DNASE1: variants seen among roughly 807,000 people sequenced by gnomAD.
DNASE1 encodes the protein deoxyribonuclease 1.
In DNASE1, 40 loss-of-function variants were observed where a neutral mutation model predicts 33.9. That is an observed-to-expected ratio of 1.18 (90% CI 0.92 to 1.54). DNASE1 has a LOEUF of 1.54. Among genes scored for constraint, DNASE1 ranks in the 40% most tolerant of loss-of-function variants. The pLI is 0.00. For missense variants in DNASE1, 518 were observed against 372.6 expected (o/e 1.39, Z -3.21); for synonymous variants, 216 against 160.0 (o/e 1.35, Z -2.64).
intron 1 of DNASE1, among the ~76,000 whole-genome samples, chr16:3,649,648 C>T (rs1431526997): frequency 2.6e-5 from 4 of 152,202 alleles, no homozygotes; most frequent in African/African-American, 9.7e-5. Flanking sequence ...CAGTTGAGAG[C>T]ACTCTTGATT....
chr16:3,633,559 G>A (rs1013643572), intron 1 of DNASE1, among the ~76,000 whole-genome samples: 21 of 150,954 alleles, frequency 1.4e-4, no homozygotes, highest in Non-Finnish European at 2.5e-4. Context: ...AGTGAGCCGA[G>A]ATGGCGCCAT....
intron 1 of DNASE1, among the ~76,000 whole-genome samples, chr16:3,621,781 A>G (rs1032639717): frequency 6.6e-6 from 1 of 152,262 alleles, no homozygotes; most frequent in Non-Finnish European, 1.5e-5. Flanking sequence ...TACAATGGCT[A>G]ATGGTGCATT....
intron 7 of DNASE1, 135 bp from the exon 8 acceptor site, chr16:3,657,585 G>A (rs1207013746): frequency 1.5e-6 from 2 of 1,300,262 alleles, no homozygotes; most frequent in Non-Finnish European, 2.2e-6. Flanking sequence ...GAGGGGCACA[G>A]ACCAGGGTGT....
exon 10 of DNASE1, chr16:3,663,762 A>C: frequency 1.6e-6 from 1 of 620,942 alleles, no homozygotes; most frequent in East Asian, 2.8e-5. Context: ...TCAAGGCAGA[A>C]GCACTCCACG....
downstream of DNASE1, chr16:3,659,522 G>A (rs17183750): frequency 0.13 from 19,385 of 152,160 alleles, 1,604 homozygotes; most frequent in East Asian, 0.18. Flanking sequence ...TTTGACGTCA[G>A]AACAATATTT....
intron 1 of DNASE1, among the ~76,000 whole-genome samples, chr16:3,636,496 TG>T (rs1896513747): frequency 6.6e-6 from 1 of 152,208 alleles, no homozygotes; most frequent in Non-Finnish European, 1.5e-5. Flanking sequence ...GTAATTTTTT[TG>T]TTGAAAACCG....
At chr16:3,636,094 C>G (rs1430811801) in intron 1 of DNASE1, among the ~76,000 whole-genome samples, 3 of 152,102 alleles carry the variant, frequency 2.0e-5, no homozygotes, top group African/African-American at 7.2e-5. Flanking sequence ...AATTGTCCCA[C>G]AGTTCTTGGA....
At chr16:3,655,197 C>G (rs1461741476) in intron 1 of DNASE1, among the ~76,000 whole-genome samples, 153 bp downstream of exon 1, 1 of 152,160 alleles carries the variant, frequency 6.6e-6, no homozygotes, top group Admixed American at 6.5e-5. Flanking sequence ...TCGGGGTCCT[C>G]TACGTGGTGC....
chr16:3,621,627 T>G (rs973248450), intron 1 of DNASE1, among the ~76,000 whole-genome samples: 7 of 152,226 alleles, frequency 4.6e-5, no homozygotes, highest in Non-Finnish European at 8.8e-5. Context: ...TTTTTGCAAC[T>G]TAATGAACTG....
intron 7 of DNASE1, 108 bp from the exon 8 acceptor site, chr16:3,657,612 A>ACAGACCTG (rs1363725510): frequency 2.0e-6 from 3 of 1,483,110 alleles, no homozygotes; most frequent in Non-Finnish European, 1.8e-6. Flanking sequence ...TTGGGCACCC[A>ACAGACCTG]CAGACCTGCA....
intron 1 of DNASE1, among the ~76,000 whole-genome samples, chr16:3,621,882 T>C (rs2041327104): frequency 1.3e-5 from 2 of 152,182 alleles, no homozygotes. Context: ...TCAAAGGATA[T>C]GGGTAAATCA....
intron 1 of DNASE1, among the ~76,000 whole-genome samples, chr16:3,637,588 C>G (rs2041907061): frequency 6.6e-6 from 1 of 152,176 alleles, no homozygotes; most frequent in South Asian, 2.1e-4. Flanking sequence ...TTCCCTTAGG[C>G]TGATGAGGAT....
chr16:3,660,432 T>A (rs983951837), downstream of DNASE1: 4 of 152,234 alleles, frequency 2.6e-5, no homozygotes, highest in African/African-American at 9.7e-5. Context: ...ATGGCGCCAC[T>A]GGTACACTCC....
chr16:3,664,056 C>T (rs895545265), exon 10 of DNASE1: 2 of 519,894 alleles, frequency 3.8e-6, no homozygotes, highest in Admixed American at 3.8e-5. Context: ...GAGCAAGACT[C>T]CATCTCAAAA....
At chr16:3,619,785 A>G (rs1295676249) in intron 1 of DNASE1, among the ~76,000 whole-genome samples, 2 of 152,202 alleles carry the variant, frequency 1.3e-5, no homozygotes, top group East Asian at 1.9e-4. Flanking sequence ...TGCTGGGATT[A>G]TAGGTGTGAG....
chr16:3,616,584 G>A (rs1430337630), intron 1 of DNASE1, among the ~76,000 whole-genome samples: 3 of 152,158 alleles, frequency 2.0e-5, no homozygotes. Flanking sequence ...TCACAACACT[G>A]CACTCCAGCC....
Position 3,656,980 on chromosome 16 carries a change from G to A in DNASE1, c.437-19G>A, listed in dbSNP as rs370269299. The A allele has an allele frequency of 5.0e-5, 80 of 1,611,624 alleles. No individual in the cohort carries two copies. Among genetic ancestry groups the A allele is most frequent in the African/African-American group, 6.7e-5 (5 of 74,904 alleles). On this transcript the variant is annotated intron_variant, in intron 5 of 8. Transcript: ENST00000246949. ...TGCCCCCAGGGAGTGTGCCTCACAC[G>A]ACGTGGCTGTCTCCACAGAGGTCAG...
At chr16:3,620,877 T>C (rs2041285432) in intron 1 of DNASE1, among the ~76,000 whole-genome samples, 1 of 152,104 alleles carries the variant, frequency 6.6e-6, no homozygotes, top group African/African-American at 2.4e-5. Flanking sequence ...GCCGGCTCAC[T>C]GCAACCTCCG....
At chr16:3,615,508 C>A (rs1250616177) in intron 1 of DNASE1, among the ~76,000 whole-genome samples, 1 of 152,126 alleles carries the variant, frequency 6.6e-6, no homozygotes, top group African/African-American at 2.4e-5. Context: ...TCAGTAGGAA[C>A]AGTATTGTGT....
Sources: gnomAD v4.1 joint callset for allele counts (sites outside exome capture counted in the v4.1 genomes callset) on GRCh38, gnomAD v4.1.1 for gene constraint, MANE v1.5 for transcripts, NCBI Gene and HGNC (gene_info 2026-07-23, HGNC 2026-07-21) for gene names.